The following SCGB1C1 variants were observed in gnomAD, a reference collection of about 807,000 sequenced individuals.
The protein encoded by SCGB1C1 is secretoglobin family 1C member 1.
Under a neutral mutation model 8.9 loss-of-function variants are expected in SCGB1C1, and 2 were observed. That is an observed-to-expected ratio of 0.23 (90% confidence interval 0.09 to 0.71). SCGB1C1 has a LOEUF of 0.71. SCGB1C1 is among the 30% of genes least tolerant of loss of function. SCGB1C1 has a pLI of 0.78. For missense variants in SCGB1C1, 25 were observed against 112.7 expected (o/e 0.22, Z 3.52); for synonymous variants, 6 against 45.8 (o/e 0.13, Z 3.51).
At chr11:194,135 CAT>C (rs1415609597) in intron 2 of SCGB1C1, among the ~76,000 whole-genome samples, 1 of 126,328 alleles carries the variant, frequency 7.9e-6, no homozygotes, top group Non-Finnish European at 1.7e-5. Context: ...TCCATGCACA[CAT>C]GTGAACATAC....
chr11:190,699 C>T (rs61876161), upstream of SCGB1C1, among the ~76,000 whole-genome samples: 14,261 of 129,244 alleles, frequency 0.11, 1 homozygote, highest in East Asian at 0.34. Context: ...GGTTGAGGTA[C>T]ATGTGTGGTG....
At chr11:191,837 CCCTAA>C (rs1854813981), upstream of SCGB1C1, among the ~76,000 whole-genome samples, 8 of 34,172 alleles carry the variant, frequency 2.3e-4, no homozygotes, top group East Asian at 0.014. Context: ...CTAACCCTAA[CCCTAA>C]CCCTAACCCT....
chr11:191,540 CAAT>C (rs1854806878), upstream of SCGB1C1, among the ~76,000 whole-genome samples: 1 of 146,652 alleles, frequency 6.8e-6, no homozygotes, highest in Non-Finnish European at 1.5e-5. Flanking sequence ...TAAAACTAAA[CAAT>C]AAGTTAAACA....
chr11:192,625 AC>A (rs1854833027), upstream of SCGB1C1, among the ~76,000 whole-genome samples: 1 of 148,306 alleles, frequency 6.7e-6, no homozygotes. Flanking sequence ...CTACTCGGCC[AC>A]CCCATCTGAG....
chr11:191,852 TAACCCCTA>T (rs1854815269), upstream of SCGB1C1, among the ~76,000 whole-genome samples: 1 of 20,160 alleles, frequency 5.0e-5, no homozygotes, highest in African/African-American at 9.0e-5. Context: ...ACCCTAACCC[TAACCCCTA>T]ACCCCTAACC....
upstream of SCGB1C1, among the ~76,000 whole-genome samples, chr11:191,880 A>T (rs1854818646): frequency 2.2e-4 from 1 of 4,528 alleles, no homozygotes; most frequent in Admixed American, 3.1e-3. Context: ...CCTAACCCTA[A>T]CCCTAACCCC....
chr11:192,519 T>C (rs1474512278), upstream of SCGB1C1, among the ~76,000 whole-genome samples: 1 of 148,416 alleles, frequency 6.7e-6, no homozygotes. Flanking sequence ...TTCTCTCTTC[T>C]AGGCACTGTC....
At chr11:191,885 A>G (rs1424055308), upstream of SCGB1C1, among the ~76,000 whole-genome samples, 6 of 4,210 alleles carry the variant, frequency 1.4e-3, no homozygotes, top group Admixed American at 6.8e-3. Flanking sequence ...CCCTAACCCT[A>G]ACCCCTACCC....
chr11:191,874 ACCCTAACCCTAACCCCTAC>A (rs1854818237), upstream of SCGB1C1, among the ~76,000 whole-genome samples: 6 of 21,892 alleles, frequency 2.7e-4, no homozygotes, highest in African/African-American at 1.1e-3. Context: ...CCTAACCCTA[ACCCTAACCCTAACCCCTAC>A]CCCTAACCCC....
upstream of SCGB1C1, among the ~76,000 whole-genome samples, chr11:190,753 C>T (rs1167433162): frequency 5.6e-3 from 805 of 142,502 alleles, no homozygotes; most frequent in Non-Finnish European, 0.01. Context: ...TCCCGCCATC[C>T]CAGGCACACT....
upstream of SCGB1C1, among the ~76,000 whole-genome samples, chr11:192,195 C>T (rs1854826027): frequency 6.7e-6 from 1 of 149,128 alleles, no homozygotes; most frequent in African/African-American, 2.5e-5. Context: ...AGCAGGGGCC[C>T]TTTGGATTTG....
chr11:191,677 T>C (rs1482386870), upstream of SCGB1C1, among the ~76,000 whole-genome samples: 1 of 152,128 alleles, frequency 6.6e-6, no homozygotes, highest in East Asian at 1.9e-4. Context: ...ATAGCACAGC[T>C]GGTCTATATC....
At chr11:189,767 G>T (rs369172687), upstream of SCGB1C1, among the ~76,000 whole-genome samples, 1 of 149,708 alleles carries the variant, frequency 6.7e-6, no homozygotes, top group African/African-American at 2.4e-5. Flanking sequence ...TGCGCCCCCT[G>T]CTAGCGACTA....
upstream of SCGB1C1, among the ~76,000 whole-genome samples, chr11:189,672 C>G (rs1254566427): frequency 8.5e-5 from 13 of 152,326 alleles, no homozygotes; most frequent in African/African-American, 2.9e-4. Flanking sequence ...CGGGTTGAAC[C>G]TCAGTAATCC....
Position 194,417 on chromosome 11 carries a change from G to C in SCGB1C1, c.256-1G>C, listed in dbSNP as rs755556991. On this transcript the variant is annotated splice_acceptor_variant, in intron 2 of 2. Transcript: ENST00000342878. LOFTEE classifies it high-confidence loss of function. ...TTAGTCCACATGTGTCTGCCTTCCA[G>C]GTGCAAGTGCTGGGCAGTCAGGACG... 1.6e-5 allele frequency: 13 copies of C among 836,976 alleles called. No individual in the cohort carries two copies. Among genetic ancestry groups the C allele is most frequent in the Non-Finnish European group, 2.6e-5 (13 of 504,506 alleles). The allele number at this position is 836,976 out of a possible 1,614,324, so 51.8% of individuals were successfully genotyped here. A position where few individuals can be genotyped will look rare whatever the true frequency, so the allele number is the denominator to read the frequency against.
At chr11:194,098 C>A (rs1411975644) in intron 2 of SCGB1C1, among the ~76,000 whole-genome samples, 187 bp downstream of exon 2, 14 of 132,752 alleles carry the variant, frequency 1.1e-4, no homozygotes, top group Non-Finnish European at 2.2e-4. Flanking sequence ...ACTCCATAGA[C>A]CTCCTCCCCA....
At chr11:189,895 G>A (rs1241438644), upstream of SCGB1C1, among the ~76,000 whole-genome samples, 2 of 152,180 alleles carry the variant, frequency 1.3e-5, no homozygotes, top group African/African-American at 4.8e-5. Context: ...CAGGCAGCTA[G>A]GGACGTTGCA....
At chr11:193,606 G>A (rs1474622660) in intron 1 of SCGB1C1, 106 bp from the exon 2 acceptor site, 16 of 1,484,692 alleles carry the variant, frequency 1.1e-5, no homozygotes, top group Non-Finnish European at 1.5e-5. Context: ...GCATTGAAGG[G>A]GAAGGTCTGG....
At chr11:193,497 T>G (rs377340037) in intron 1 of SCGB1C1, among the ~76,000 whole-genome samples, 1 of 150,898 alleles carries the variant, frequency 6.6e-6, no homozygotes, top group African/African-American at 2.4e-5. Flanking sequence ...GAATGCTGAG[T>G]GGAAATTGGA....
Sources: allele counts gnomAD v4.1 joint callset (sites outside exome capture counted in the v4.1 genomes callset), GRCh38; gene constraint gnomAD v4.1.1; transcripts MANE v1.5; gene names NCBI Gene and HGNC (gene_info 2026-07-23, HGNC 2026-07-21).